Variants in SLC5A4 observed in about 807,000 individuals in gnomAD.
SLC5A4 encodes the protein solute carrier family 5 member 4.
In SLC5A4, 55 loss-of-function variants were observed where a neutral mutation model predicts 70.3. That is an observed-to-expected ratio of 0.78 (90% CI 0.63 to 0.98). The LOEUF is 0.98. Among genes scored for constraint, SLC5A4 ranks in the 50% least tolerant of loss-of-function variants. SLC5A4 has a pLI of 0.00. For synonymous variants in SLC5A4, 268 were observed against 305.7 expected, an observed-to-expected ratio of 0.88 and a Z score of 1.29; for missense variants, 735 against 839.2, an observed-to-expected ratio of 0.88 and a Z score of 1.53.
the SLC5A4 span, among the ~76,000 whole-genome samples, chr22:32,312,426 G>A: frequency 7.9e-5 from 12 of 151,770 alleles, no homozygotes; most frequent in African/African-American, 1.7e-4. Flanking sequence ...CCAAGGGGCC[G>A]CTATTGGAGG....
chr22:32,226,025 TAATC>T (rs1925377327), intron 11 of SLC5A4, among the ~76,000 whole-genome samples: 1 of 152,232 alleles, frequency 6.6e-6, no homozygotes, highest in Admixed American at 6.5e-5. Context: ...TGTCTATAAT[TAATC>T]ATAATAGCTT....
chr22:32,344,681 T>C, the SLC5A4 span, among the ~76,000 whole-genome samples: 6 of 152,196 alleles, frequency 3.9e-5, no homozygotes, highest in Admixed American at 6.5e-5. Context: ...ATAGGAAATT[T>C]CATGCAGACA....
At chr22:32,315,812 AAAAG>A in the SLC5A4 span, among the ~76,000 whole-genome samples, 34,476 of 138,772 alleles carry the variant, frequency 0.25, 4,526 homozygotes, top group South Asian at 0.4. Context: ...AAAAAAAAAA[AAAAG>A]AGACTGGATC....
intron 13 of SLC5A4, 70 bp from the exon 14 acceptor site, chr22:32,221,092 C>T (rs1461882059): frequency 2.0e-6 from 2 of 1,002,890 alleles, no homozygotes; most frequent in African/African-American, 1.6e-5. Flanking sequence ...AGAATGGTAC[C>T]TTTGTTTATC....
intron 10 of SLC5A4, among the ~76,000 whole-genome samples, chr22:32,229,793 G>A (rs1312523496): frequency 6.6e-6 from 1 of 152,194 alleles, no homozygotes; most frequent in Non-Finnish European, 1.5e-5. Flanking sequence ...GACTTAAAGA[G>A]TGTAATTGAA....
At chr22:32,267,795 T>A in the SLC5A4 span, among the ~76,000 whole-genome samples, 1 of 152,214 alleles carries the variant, frequency 6.6e-6, no homozygotes, top group Non-Finnish European at 1.5e-5. Flanking sequence ...GACAGCCCAG[T>A]ATAGACACTT....
chr22:32,344,770 A>C, the SLC5A4 span, among the ~76,000 whole-genome samples: 1 of 152,178 alleles, frequency 6.6e-6, no homozygotes, highest in Non-Finnish European at 1.5e-5. Flanking sequence ...ACAGTTAACA[A>C]ACTTCATAAT....
Position 32,247,367 on chromosome 22 carries a change from G to C in SLC5A4, c.477+44C>G, listed in dbSNP as rs202103313. ...TGATATTAGCACTCTGGCCCCATCTGACCAACCTCTTGAAGCTAAAATGCC... is the reference window on the plus strand; with the variant it reads ...TGATATTAGCACTCTGGCCCCATCTCACCAACCTCTTGAAGCTAAAATGCC... On this transcript the variant is annotated intron_variant, in intron 5 of 14. Coordinates refer to ENST00000266086, the MANE Select transcript of SLC5A4 (RefSeq NM_014227.3). 159 of 1,239,712 alleles carry C rather than the reference G, an allele frequency of 1.3e-4. No individual in the cohort carries two copies. The African/African-American group carries it at 2.1e-3, about 16-fold the overall frequency. The allele number at this position is 1,239,712 out of a possible 1,614,324, so 76.8% of individuals were successfully genotyped here. A position where few individuals can be genotyped will look rare whatever the true frequency, so the allele number is the denominator to read the frequency against.
chr22:32,249,297 GCA>G (rs1483586569), intron 3 of SLC5A4, among the ~76,000 whole-genome samples: 4 of 152,176 alleles, frequency 2.6e-5, no homozygotes, highest in Admixed American at 2.6e-4. Flanking sequence ...GATATGAGAA[GCA>G]CAGTTATTCT....
chr22:32,305,607 C>T, the SLC5A4 span, among the ~76,000 whole-genome samples: 5 of 148,082 alleles, frequency 3.4e-5, no homozygotes, highest in African/African-American at 1.3e-4. Flanking sequence ...CGCTTTTCTC[C>T]ACTGTGCAGC....
At chr22:32,354,882 C>G in the SLC5A4 span, 2 of 152,446 alleles carry the variant, frequency 1.3e-5, no homozygotes, top group Non-Finnish European at 2.9e-5. Context: ...TGGCCCGCAC[C>G]AACGGCAGCA....
At chr22:32,311,286 T>C in the SLC5A4 span, among the ~76,000 whole-genome samples, 299 of 152,268 alleles carry the variant, frequency 2.0e-3, no homozygotes, top group South Asian at 2.9e-3. Flanking sequence ...GGTGAATGGA[T>C]GGGCAGTCAG....
At chr22:32,232,601 T>C (rs1465637479) in intron 9 of SLC5A4, among the ~76,000 whole-genome samples, 1 of 152,144 alleles carries the variant, frequency 6.6e-6, no homozygotes, top group African/African-American at 2.4e-5. Flanking sequence ...TACCTCATCC[T>C]GCAGTGTCCT....
the SLC5A4 span, among the ~76,000 whole-genome samples, chr22:32,347,247 A>ACT: frequency 6.6e-6 from 1 of 152,210 alleles, no homozygotes; most frequent in East Asian, 1.9e-4. Flanking sequence ...ACACTTTCAC[A>ACT]CTGTTGGTGG....
the SLC5A4 span, among the ~76,000 whole-genome samples, chr22:32,345,550 A>G: frequency 9.8e-5 from 15 of 152,286 alleles, no homozygotes; most frequent in South Asian, 1.0e-3. Context: ...ATTCCCACCA[A>G]ATGAACATCT....
At chr22:32,303,914 C>G in the SLC5A4 span, among the ~76,000 whole-genome samples, 1 of 152,306 alleles carries the variant, frequency 6.6e-6, no homozygotes. Context: ...TGCATTCCCA[C>G]AGCAGTGAAT....
intron 5 of SLC5A4, among the ~76,000 whole-genome samples, chr22:32,246,662 G>A (rs1392890140): frequency 6.6e-6 from 1 of 151,988 alleles, no homozygotes; most frequent in East Asian, 1.9e-4. Flanking sequence ...TGAGTAGCTG[G>A]GATTACTGGT....
intron 5 of SLC5A4, among the ~76,000 whole-genome samples, chr22:32,243,547 T>C (rs1049070658): frequency 2.0e-5 from 3 of 152,180 alleles, no homozygotes; most frequent in Non-Finnish European, 2.9e-5. Flanking sequence ...AATAACAATA[T>C]ACAGGGAAGG....
chr22:32,285,634 T>C, the SLC5A4 span, among the ~76,000 whole-genome samples: 1 of 151,974 alleles, frequency 6.6e-6, no homozygotes, highest in African/African-American at 2.4e-5. Flanking sequence ...AGAGTGTTGA[T>C]ATAACCCTTC....
Sources: gnomAD v4.1 joint callset for allele counts (sites outside exome capture counted in the v4.1 genomes callset) on GRCh38, gnomAD v4.1.1 for gene constraint, MANE v1.5 for transcripts, NCBI Gene and HGNC (gene_info 2026-07-23, HGNC 2026-07-21) for gene names.